Variants in METTL27 observed in about 807,000 individuals in gnomAD.
The protein encoded by METTL27 is methyltransferase like 27.
Under a neutral mutation model 24.5 loss-of-function variants are expected in METTL27, and 29 were observed. The ratio of observed to expected loss-of-function variants is 1.18; its 90% CI spans 0.88 to 1.61. METTL27 has a LOEUF of 1.61. Among genes scored for constraint, METTL27 ranks in the 40% most tolerant of loss-of-function variants. The probability of loss-of-function intolerance (pLI) is 0.00; values close to 1 mark genes in which losing one functional copy is unlikely to be tolerated. For missense variants in METTL27, 341 were observed against 324.3 expected (o/e 1.05, Z -0.40); for synonymous variants, 138 against 146.8 (o/e 0.94, Z 0.43).
intron 5 of METTL27, among the ~76,000 whole-genome samples, chr7:73,837,306 T>TAAA (rs1483358424): frequency 7.3e-4 from 44 of 60,466 alleles, no homozygotes; most frequent in Non-Finnish European, 1.4e-3. Context: ...AATAAATAAA[T>TAAA]TTAAAAAAAA....
In METTL27 at chr7:73,842,017, C is replaced by A. The variant is rs1554636536; in HGVS notation, c.123+1G>T. Reference sequence around the variant, plus strand: ...GGAGGCAAGGCCCCAAATGAGTTTACCTGGTCGTAGTCCGGAGCCCAGCGG... The same window carrying A: ...GGAGGCAAGGCCCCAAATGAGTTTAACTGGTCGTAGTCCGGAGCCCAGCGG... On this transcript the variant is annotated splice_donor_variant, in intron 2 of 5. Transcript: ENST00000297873. LOFTEE classifies it high-confidence loss of function. 1 of 1,614,156 alleles carries A rather than the reference C, an allele frequency of 6.2e-7. No homozygotes were observed. The highest frequency in any genetic ancestry group is 8.5e-7 in the Non-Finnish European group (1 of 1,180,018).
chr7:73,838,748 C>G (rs1788276625), intron 5 of METTL27, among the ~76,000 whole-genome samples: 1 of 152,208 alleles, frequency 6.6e-6, no homozygotes, highest in Non-Finnish European at 1.5e-5. Context: ...CATCCGTGTC[C>G]CTGCATTTGT....
chr7:73,841,897 G>A (rs1788370073), intron 2 of METTL27, 121 bp downstream of exon 2: 1 of 1,513,616 alleles, frequency 6.6e-7, no homozygotes, highest in Non-Finnish European at 9.0e-7. Context: ...AGGACTGTAG[G>A]GTTCTTAGCC....
At chr7:73,836,139 C>T (rs1408172031) in intron 5 of METTL27, among the ~76,000 whole-genome samples, 125 of 109,186 alleles carry the variant, frequency 1.1e-3, no homozygotes, top group African/African-American at 3.8e-3. Context: ...GTGGGGGGGT[C>T]AGCCCCCTGC....
chr7:73,840,147 A>T (rs1584340169), intron 4 of METTL27, 27 bp from the exon 5 acceptor site: 1 of 1,441,296 alleles, frequency 6.9e-7, no homozygotes. Flanking sequence ...GGGGGTGGGG[A>T]CATGGTGTGA....
intron 5 of METTL27, chr7:73,839,573 CTG>C (rs1318607345): frequency 1.3e-5 from 2 of 157,092 alleles, no homozygotes; most frequent in East Asian, 1.9e-4. Context: ...GATGAGAAGA[CTG>C]AGACCAGGAA....
chr7:73,836,276 T>G (rs1584336063), intron 5 of METTL27, among the ~76,000 whole-genome samples: 1 of 78,060 alleles, frequency 1.3e-5, no homozygotes, highest in Admixed American at 1.3e-4. Context: ...AGGAGGGAGG[T>G]GGGGGGGTCA....
intron 3 of METTL27, 46 bp from the exon 4 acceptor site, chr7:73,840,595 T>C (rs1257997820): frequency 6.5e-7 from 1 of 1,528,750 alleles, no homozygotes; most frequent in African/African-American, 1.4e-5. Flanking sequence ...ACCTGCCACT[T>C]CCCGGCTGGG....
chr7:73,835,781 C>T (rs372129526), intron 5 of METTL27, among the ~76,000 whole-genome samples: 2 of 67,436 alleles, frequency 3.0e-5, no homozygotes, highest in South Asian at 4.4e-4. Flanking sequence ...CACCTCTGCC[C>T]GGCCGCCATC....
intron 4 of METTL27, 105 bp from the exon 5 acceptor site, chr7:73,840,225 C>T (rs782372907): frequency 1.9e-5 from 28 of 1,460,356 alleles, no homozygotes; most frequent in East Asian, 7.1e-5. Flanking sequence ...GGCTACTACC[C>T]GCATCTGCAG....
intron 5 of METTL27, among the ~76,000 whole-genome samples, chr7:73,838,507 C>A (rs1788268925): frequency 6.6e-6 from 1 of 152,136 alleles, no homozygotes; most frequent in South Asian, 2.1e-4. Context: ...AGTGACTGGT[C>A]TGGGAAGGTT....
At chr7:73,842,326 C>T (rs1249375020) in intron 1 of METTL27, among the ~76,000 whole-genome samples, 164 bp downstream of exon 1, 6 of 152,066 alleles carry the variant, frequency 3.9e-5, no homozygotes, top group Non-Finnish European at 7.4e-5. Flanking sequence ...TATTTACACT[C>T]TGGGGCTGCA....
intron 5 of METTL27, among the ~76,000 whole-genome samples, chr7:73,837,889 T>A (rs1788252610): frequency 6.6e-6 from 1 of 151,650 alleles, no homozygotes; most frequent in African/African-American, 2.4e-5. Flanking sequence ...TCACCCTATT[T>A]CCTAGGCTGG....
chr7:73,839,054 C>A (rs955877331), intron 5 of METTL27, among the ~76,000 whole-genome samples: 1 of 152,122 alleles, frequency 6.6e-6, no homozygotes, highest in Non-Finnish European at 1.5e-5. Context: ...GAGGCCAAGG[C>A]GGGCGATCAC....
chr7:73,835,764 T>G (rs1317074324), intron 5 of METTL27, among the ~76,000 whole-genome samples: 1 of 71,454 alleles, frequency 1.4e-5, no homozygotes, highest in African/African-American at 4.5e-5. Context: ...ACCTAGGAAG[T>G]GAGGAGCACC....
At chr7:73,839,886 G>GA in intron 5 of METTL27, 145 bp downstream of exon 5, 1 of 672,426 alleles carries the variant, frequency 1.5e-6, no homozygotes, top group East Asian at 3.1e-5. Flanking sequence ...TGGTGGCTGG[G>GA]ATGTTAGGCT....
chr7:73,838,356 A>G (rs73369959), intron 5 of METTL27, among the ~76,000 whole-genome samples: 429 of 152,186 alleles, frequency 2.8e-3, no homozygotes, highest in African/African-American at 9.7e-3. Context: ...ATCTAACATC[A>G]CAGGAAGGCT....
At chr7:73,840,591 C>T in intron 3 of METTL27, 42 bp from the exon 4 acceptor site, 1 of 1,530,840 alleles carries the variant, frequency 6.5e-7, no homozygotes, top group Non-Finnish European at 8.8e-7. Flanking sequence ...TCACACCTGC[C>T]ACTTCCCGGC....
At chr7:73,839,976 A>G (rs1463650539) in intron 5 of METTL27, 55 bp downstream of exon 5, 3 of 1,504,854 alleles carry the variant, frequency 2.0e-6, no homozygotes, top group Non-Finnish European at 2.7e-6. Context: ...CACTATGCAC[A>G]GGGGAAGGTA....
Sources: allele counts gnomAD v4.1 joint callset (sites outside exome capture counted in the v4.1 genomes callset), GRCh38; gene constraint gnomAD v4.1.1; transcripts MANE v1.5; gene names NCBI Gene and HGNC (gene_info 2026-07-23, HGNC 2026-07-21).